Variants in ZC3H12B observed in about 807,000 individuals in gnomAD.
The protein encoded by ZC3H12B is zinc finger CCCH-type containing 12B, also known as probable ribonuclease ZC3H12B.
Under a neutral mutation model 43.9 loss-of-function variants are expected in ZC3H12B, and 7 were observed. The ratio of observed to expected loss-of-function variants is 0.16; its 90% CI spans 0.09 to 0.30. ZC3H12B has a LOEUF of 0.30. ZC3H12B is among the 10% of genes least tolerant of loss of function. ZC3H12B has a pLI of 1.00. For missense variants in ZC3H12B, 475 were observed against 670.2 expected (o/e 0.71, Z 3.22); for synonymous variants, 222 against 241.7 (o/e 0.92, Z 0.76).
the ZC3H12B span, among the ~76,000 whole-genome samples, chrX:65,216,320 G>T: frequency 9.0e-6 from 1 of 111,105 alleles, no homozygotes; most frequent in Non-Finnish European, 1.9e-5. Context: ...TTGAGGGAGA[G>T]AGAGCGTAGT....
At chrX:65,358,716 CCACAAGAGAAAGCAGGAAATAT>C in the ZC3H12B span, among the ~76,000 whole-genome samples, 2 of 110,980 alleles carry the variant, frequency 1.8e-5, no homozygotes, top group African/African-American at 6.6e-5. Flanking sequence ...CACTAAATGC[CCACAAGAGAAAGCAGGAAATAT>C]CTAAAATCGA....
At chrX:65,343,617 C>T in the ZC3H12B span, among the ~76,000 whole-genome samples, 7 of 112,121 alleles carry the variant, frequency 6.2e-5, no homozygotes, top group Non-Finnish European at 1.1e-4. Flanking sequence ...ATTTTGATAA[C>T]ATTTAACACC....
the ZC3H12B span, among the ~76,000 whole-genome samples, chrX:65,353,028 G>C: frequency 9.1e-6 from 1 of 110,123 alleles, no homozygotes. Context: ...GTGTGTGTGT[G>C]TGTGTGTGTG....
At chrX:65,120,802 T>G in the ZC3H12B span, among the ~76,000 whole-genome samples, 1 of 111,626 alleles carries the variant, frequency 9.0e-6, no homozygotes, top group Non-Finnish European at 1.9e-5. Flanking sequence ...AGATACCTCT[T>G]ATTATTTTGA....
At chrX:65,225,033 T>C in the ZC3H12B span, among the ~76,000 whole-genome samples, 3 of 111,675 alleles carry the variant, frequency 2.7e-5, no homozygotes, top group South Asian at 1.1e-3. Context: ...GGTTCTCCCA[T>C]CATGCAGCTG....
At chrX:65,255,629 A>G in the ZC3H12B span, among the ~76,000 whole-genome samples, 1 of 112,164 alleles carries the variant, frequency 8.9e-6, no homozygotes, top group African/African-American at 3.2e-5. Context: ...GCAACCATAC[A>G]AAAAGTCTGC....
chrX:65,361,306 G>A, the ZC3H12B span, among the ~76,000 whole-genome samples: 2 of 111,763 alleles, frequency 1.8e-5, no homozygotes, highest in Admixed American at 9.5e-5. Flanking sequence ...ATGACTGATT[G>A]TTGATTTTTT....
chrX:65,099,146 C>G, the ZC3H12B span, among the ~76,000 whole-genome samples: 1 of 111,749 alleles, frequency 8.9e-6, no homozygotes, highest in African/African-American at 3.3e-5. Flanking sequence ...CGACTGTGGC[C>G]AGACTGCCTC....
the ZC3H12B span, among the ~76,000 whole-genome samples, chrX:65,162,217 T>A: frequency 5.4e-5 from 6 of 111,212 alleles, no homozygotes; most frequent in East Asian, 2.8e-4. Flanking sequence ...CTTCATTTCA[T>A]CTTTGGTGAA....
At chrX:65,137,116 T>A in the ZC3H12B span, among the ~76,000 whole-genome samples, 1 of 112,337 alleles carries the variant, frequency 8.9e-6, no homozygotes, top group Non-Finnish European at 1.9e-5. Flanking sequence ...AGCAAACCTT[T>A]ATTTAATTAT....
chrX:65,066,106 A>T, the ZC3H12B span, among the ~76,000 whole-genome samples: 1 of 108,369 alleles, frequency 9.2e-6, no homozygotes, highest in South Asian at 4.1e-4. Context: ...GCCTTGGAGG[A>T]GTTTGTTATT....
chrX:65,111,784 C>A, the ZC3H12B span, among the ~76,000 whole-genome samples: 1 of 110,403 alleles, frequency 9.1e-6, no homozygotes, highest in African/African-American at 3.3e-5. Flanking sequence ...CAAACTAAAT[C>A]AATAAATGTG....
At chrX:65,389,396 G>A (rs143143665) in intron 2 of ZC3H12B, among the ~76,000 whole-genome samples, 1,496 of 112,454 alleles carry the variant, frequency 0.013, 10 homozygotes, top group Non-Finnish European at 0.02. Flanking sequence ...TGCTGTGCTA[G>A]CAGTGAGCGG....
the ZC3H12B span, among the ~76,000 whole-genome samples, chrX:65,282,692 C>T: frequency 1.8e-5 from 2 of 111,718 alleles, no homozygotes; most frequent in Non-Finnish European, 3.8e-5. Context: ...ATGCTATAAA[C>T]ACCTCTACAA....
At chrX:65,434,085 T>A (rs1251794736) in intron 3 of ZC3H12B, among the ~76,000 whole-genome samples, 1 of 111,793 alleles carries the variant, frequency 8.9e-6, no homozygotes, top group Non-Finnish European at 1.9e-5. Flanking sequence ...TATGCCAATC[T>A]TGTCTTTGGC....
At chrX:65,361,564 A>G in the ZC3H12B span, among the ~76,000 whole-genome samples, 2 of 112,005 alleles carry the variant, frequency 1.8e-5, no homozygotes, top group Non-Finnish European at 3.8e-5. Context: ...TCTTAAAAAC[A>G]TTTTTGTGTA....
At chrX:65,501,239 C>CTTTTTTTTT (rs770490342) in intron 4 of ZC3H12B, among the ~76,000 whole-genome samples, 4 of 63,355 alleles carry the variant, frequency 6.3e-5, no homozygotes, top group African/African-American at 8.5e-5. Context: ...TCAGCTTTAG[C>CTTTTTTTTT]TTTTTTTTTT....
At chrX:65,378,964 C>T (rs778160375) in intron 2 of ZC3H12B, among the ~76,000 whole-genome samples, 14 of 112,406 alleles carry the variant, frequency 1.2e-4, no homozygotes, top group Non-Finnish European at 2.1e-4. Context: ...CCTATGCCCA[C>T]GGAGTCTCAT....
chrX:65,504,929 T>G (rs2038284), exon 5 of ZC3H12B: 26,846 of 112,008 alleles, frequency 0.24, 7,707 homozygotes, highest in African/African-American at 0.83. Flanking sequence ...GCTCAGTTAC[T>G]CACTTTAAAT....
Sources: allele counts gnomAD v4.1 joint callset (sites outside exome capture counted in the v4.1 genomes callset), GRCh38; gene constraint gnomAD v4.1.1; transcripts MANE v1.5; gene names NCBI Gene and HGNC (gene_info 2026-07-23, HGNC 2026-07-21).